Variants in MRTFA observed in about 807,000 individuals in gnomAD.
MRTFA encodes the protein myocardin related transcription factor A.
Under a neutral mutation model 83.5 loss-of-function variants are expected in MRTFA, and 20 were observed. The ratio of observed to expected loss-of-function variants is 0.24; its 90% CI spans 0.17 to 0.35. The LOEUF (loss-of-function observed/expected upper bound fraction) is 0.35. Among genes scored for constraint, MRTFA ranks in the 10% least tolerant of loss-of-function variants. MRTFA has a pLI of 1.00. For synonymous variants in MRTFA, 659 were observed against 541.2 expected (o/e 1.22, Z -3.02); for missense variants, 1,200 against 1,224.7 (o/e 0.98, Z 0.30).
chr22:40,579,816 C>T (rs913152460), intron 2 of MRTFA, among the ~76,000 whole-genome samples: 2 of 150,624 alleles, frequency 1.3e-5, no homozygotes, highest in African/African-American at 2.4e-5. Flanking sequence ...GCCAAGACGG[C>T]GCCATTGCAC....
intron 1 of MRTFA, among the ~76,000 whole-genome samples, chr22:40,626,876 C>CACACACACAT (rs1490514373): frequency 4.0e-5 from 6 of 151,288 alleles, no homozygotes; most frequent in African/African-American, 1.5e-4. Flanking sequence ...AACACACACA[C>CACACACACAT]ACACACACAC....
At chr22:40,545,010 T>C (rs1174286030) in intron 3 of MRTFA, among the ~76,000 whole-genome samples, 1 of 151,120 alleles carries the variant, frequency 6.6e-6, no homozygotes, top group Admixed American at 6.6e-5. Flanking sequence ...TTACCAATTT[T>C]ATATATATAC....
At chr22:40,430,860 CA>C (rs1171650702) in intron 6 of MRTFA, among the ~76,000 whole-genome samples, 60 of 35,098 alleles carry the variant, frequency 1.7e-3, no homozygotes, top group Middle Eastern at 0.015. Flanking sequence ...GACTCCATCA[CA>C]AAAAAAAAAA....
intron 3 of MRTFA, among the ~76,000 whole-genome samples, chr22:40,537,019 G>GT (rs1263453508): frequency 1.1e-5 from 1 of 89,928 alleles, no homozygotes; most frequent in African/African-American, 4.5e-5. Flanking sequence ...AGGTGGGGGG[G>GT]GGTCAGCCCC....
intron 9 of MRTFA, 36 bp downstream of exon 9, chr22:40,423,500 G>T (rs1176820271): frequency 1.4e-6 from 2 of 1,443,948 alleles, no homozygotes; most frequent in Admixed American, 4.6e-5. Flanking sequence ...AAAGGGCACA[G>T]GGAAGGGGAG....
At chr22:40,561,196 CTGTGTGTGTGTGTGTCTGTGTG>C (rs1460403712) in intron 2 of MRTFA, among the ~76,000 whole-genome samples, 1 of 140,700 alleles carries the variant, frequency 7.1e-6, no homozygotes, top group Non-Finnish European at 1.5e-5. Context: ...ATGGGTATCT[CTGTGTGTGTGTGTGTCTGTGTG>C]TGTGTGTGTG....
chr22:40,586,094 A>C (rs1208562815), intron 2 of MRTFA, among the ~76,000 whole-genome samples: 1 of 152,214 alleles, frequency 6.6e-6, no homozygotes, highest in East Asian at 1.9e-4. Flanking sequence ...AAAAATGTTG[A>C]GAAACATTGC....
rs2052702605 is a variant in MRTFA at position 40,417,293 on chromosome 22, G to GC, written c.2517+47dup. ...GGGCTGTAGGAGCCTCAGCCCAGCAGCCTAGGGCAGCTGCCAACACTAGCC... is the reference window on the plus strand; with the variant it reads ...GGGCTGTAGGAGCCTCAGCCCAGCAGCCCTAGGGCAGCTGCCAACACTAGCC... On this transcript the variant is annotated intron_variant, in intron 13 of 14. Transcript: ENST00000355630. 2.5e-6 allele frequency: 4 copies of GC among 1,588,958 alleles called. No individual in the cohort carries two copies. The East Asian group carries it at 9.0e-5, about 36-fold the overall frequency.
chr22:40,413,799 C>T (rs1050205783), intron 14 of MRTFA, among the ~76,000 whole-genome samples: 7 of 152,156 alleles, frequency 4.6e-5, no homozygotes, highest in East Asian at 3.8e-4. Flanking sequence ...TGGCCATTCT[C>T]CAATAGAAGA....
chr22:40,420,191 A>G (rs957962528), intron 11 of MRTFA, among the ~76,000 whole-genome samples: 1 of 152,220 alleles, frequency 6.6e-6, no homozygotes. Flanking sequence ...ACCACGAGGA[A>G]GCTGGTGTCA....
intron 3 of MRTFA, among the ~76,000 whole-genome samples, chr22:40,509,871 A>G (rs1254284997): frequency 6.6e-6 from 1 of 151,840 alleles, no homozygotes; most frequent in Non-Finnish European, 1.5e-5. Flanking sequence ...CCATGAGGTT[A>G]AACATTTCTC....
At chr22:40,563,918 G>C (rs137864137) in intron 2 of MRTFA, among the ~76,000 whole-genome samples, 73 of 152,290 alleles carry the variant, frequency 4.8e-4, no homozygotes, top group African/African-American at 1.6e-3. Flanking sequence ...GAAATATGCG[G>C]TTGTGGGGGG....
chr22:40,520,923 AAGT>A (rs1428896361), intron 3 of MRTFA, among the ~76,000 whole-genome samples: 1 of 152,218 alleles, frequency 6.6e-6, no homozygotes, highest in African/African-American at 2.4e-5. Context: ...ATATATCTAG[AAGT>A]AGAATTGCTA....
chr22:40,516,692 T>C (rs2054766298), intron 3 of MRTFA, among the ~76,000 whole-genome samples: 1 of 152,160 alleles, frequency 6.6e-6, no homozygotes, highest in African/African-American at 2.4e-5. Context: ...CATATGACAC[T>C]GGTTTTGGCC....
At chr22:40,455,319 C>G (rs1198923810) in intron 4 of MRTFA, among the ~76,000 whole-genome samples, 5 of 152,138 alleles carry the variant, frequency 3.3e-5, no homozygotes, top group Admixed American at 1.3e-4. Flanking sequence ...GCTGGTCTAG[C>G]ACCTAGTTCT....
chr22:40,518,825 G>GTGT (rs2054808671), intron 3 of MRTFA, among the ~76,000 whole-genome samples: 1 of 142,210 alleles, frequency 7.0e-6, no homozygotes, highest in East Asian at 2.1e-4. Context: ...AAAAAAACCA[G>GTGT]TGTCTGTCTT....
chr22:40,470,936 G>A (rs1031715241), intron 3 of MRTFA, among the ~76,000 whole-genome samples: 7 of 151,168 alleles, frequency 4.6e-5, no homozygotes, highest in South Asian at 2.1e-4. Context: ...GTGAAAGAGC[G>A]AGATTCCGTC....
intron 2 of MRTFA, among the ~76,000 whole-genome samples, chr22:40,570,465 C>T (rs2055772374): frequency 6.6e-6 from 1 of 150,644 alleles, no homozygotes; most frequent in South Asian, 2.1e-4. Flanking sequence ...GTAGTCCCAG[C>T]TACTCGGGAG....
intron 4 of MRTFA, chr22:40,436,293 A>T (rs2053168535): frequency 6.5e-6 from 1 of 154,422 alleles, no homozygotes; most frequent in Non-Finnish European, 1.5e-5. Flanking sequence ...TTACTTCCTC[A>T]ACCTCACGAG....
Sources: allele counts gnomAD v4.1 joint callset (sites outside exome capture counted in the v4.1 genomes callset), GRCh38; gene constraint gnomAD v4.1.1; transcripts MANE v1.5; gene names NCBI Gene and HGNC (gene_info 2026-07-23, HGNC 2026-07-21).